Variants in TEK observed in about 807,000 individuals in gnomAD.
TEK encodes the protein TEK receptor tyrosine kinase.
In TEK, 43 loss-of-function variants were observed where a neutral mutation model predicts 131.8. The observed-to-expected ratio is 0.33, with a 90% CI of 0.26 to 0.42. TEK has a LOEUF of 0.42. Among genes scored for constraint, TEK ranks in the 10% least tolerant of loss-of-function variants. TEK has a pLI of 1.00. For synonymous variants in TEK, 580 were observed against 491.6 expected (o/e 1.18, Z -2.38); for missense variants, 1,162 against 1,384.4 (o/e 0.84, Z 2.55).
chr9:27,123,624 TTTA>T (rs1158238520), intron 1 of TEK, among the ~76,000 whole-genome samples: 3 of 152,220 alleles, frequency 2.0e-5, no homozygotes, highest in Non-Finnish European at 4.4e-5. Flanking sequence ...CATAATCTTT[TTTA>T]TTGTTTTTGA....
intron 11 of TEK, among the ~76,000 whole-genome samples, chr9:27,193,455 C>T (rs1824895089): frequency 6.6e-6 from 1 of 152,142 alleles, no homozygotes; most frequent in Non-Finnish European, 1.5e-5. Flanking sequence ...TACTTCTGGA[C>T]TTCTCAGTGG....
chr9:27,201,932 T>C (rs551874843), intron 12 of TEK, among the ~76,000 whole-genome samples: 1 of 152,178 alleles, frequency 6.6e-6, no homozygotes, highest in Admixed American at 6.6e-5. Flanking sequence ...GTCAAGAGAG[T>C]GTCTGCATGT....
At chr9:27,214,115 C>G (rs1291425929) in intron 18 of TEK, among the ~76,000 whole-genome samples, 1 of 152,196 alleles carries the variant, frequency 6.6e-6, no homozygotes, top group Non-Finnish European at 1.5e-5. Context: ...AAAATCCACT[C>G]TCCCAAACAG....
chr9:27,182,979 C>T (rs1824446719), intron 7 of TEK, among the ~76,000 whole-genome samples: 1 of 152,208 alleles, frequency 6.6e-6, no homozygotes, highest in African/African-American at 2.4e-5. Flanking sequence ...ATGAATGAGA[C>T]ATCTCTCGTA....
chr9:27,114,556 G>C (rs747302099), intron 1 of TEK, among the ~76,000 whole-genome samples: 2 of 151,636 alleles, frequency 1.3e-5, no homozygotes, highest in Non-Finnish European at 2.9e-5. Context: ...GCATGACAGA[G>C]TGAGACTCCG....
chr9:27,123,395 A>G (rs137858036), intron 1 of TEK, among the ~76,000 whole-genome samples: 17 of 152,294 alleles, frequency 1.1e-4, no homozygotes, highest in Non-Finnish European at 2.4e-4. Context: ...CTCTGCCATC[A>G]CAGGTACTCT....
At position 27,164,807 on chromosome 9, in the gene TEK, A is replaced by G. The variant is rs72614298; in HGVS notation, c.365-3688A>G. Among the ~76,000 whole-genome samples the G allele has an allele frequency of 4.5e-4, 69 of 152,262 alleles. No individual in the cohort carries two copies. In the East Asian group the frequency reaches 0.012, roughly 27 times the overall value. ...CACCTTGGCCTCCCAAAATTTTGGG[A>G]TTAGAAGCATGAGCCACCGCCCCCA... On this transcript the variant is annotated intron_variant, in intron 2 of 22. Transcript: ENST00000380036.
In TEK at chr9:27,229,533, G is replaced by A. The variant is rs1211986728; in HGVS notation, c.*301G>A. 2.4e-6 allele frequency: 1 copy of A among 419,426 alleles called. No individual in the cohort carries two copies. Among genetic ancestry groups the A allele is most frequent in the Non-Finnish European group, 4.4e-6 (1 of 226,678 alleles). 26.0% of individuals were successfully genotyped at this position (419,426 alleles called of 1,614,324 possible). ...TCATAGGAAGGCGTGAGTACAATTAGTATAATGCATAACTCATTGTTGTCC... is the reference window on the plus strand; with the variant it reads ...TCATAGGAAGGCGTGAGTACAATTAATATAATGCATAACTCATTGTTGTCC... On this transcript the variant is annotated 3_prime_UTR_variant, in exon 23 of 23. Transcript: ENST00000380036.
intron 6 of TEK, among the ~76,000 whole-genome samples, chr9:27,174,139 C>T (rs1824076779): frequency 6.6e-6 from 1 of 152,150 alleles, no homozygotes. Context: ...TTTCAGTATG[C>T]ATTTCACATC....
intron 22 of TEK, among the ~76,000 whole-genome samples, chr9:27,228,778 C>T (rs1041981453): frequency 1.3e-5 from 2 of 152,072 alleles, no homozygotes; most frequent in African/African-American, 2.4e-5. Flanking sequence ...AAATAGTCAT[C>T]AAAACCCAAG....
chr9:27,113,985 C>T (rs990975006), intron 1 of TEK, among the ~76,000 whole-genome samples: 3 of 152,202 alleles, frequency 2.0e-5, no homozygotes, highest in Non-Finnish European at 1.5e-5. Flanking sequence ...CACAATTCAA[C>T]TCAATTTGCC....
At chr9:27,207,001 G>A (rs1825422293) in intron 15 of TEK, among the ~76,000 whole-genome samples, 1 of 152,204 alleles carries the variant, frequency 6.6e-6, no homozygotes, top group African/African-American at 2.4e-5. Flanking sequence ...AAACATCACT[G>A]TCTTGATTCA....
chr9:27,171,692 G>T (rs917773878), intron 4 of TEK, among the ~76,000 whole-genome samples: 1 of 152,212 alleles, frequency 6.6e-6, no homozygotes, highest in Admixed American at 6.5e-5. Context: ...TCTATTAAAT[G>T]TCAGAGCAGC....
intron 6 of TEK, among the ~76,000 whole-genome samples, chr9:27,178,053 G>C (rs924719088): frequency 1.3e-5 from 2 of 152,126 alleles, no homozygotes; most frequent in African/African-American, 4.8e-5. Context: ...TCAGTATCAA[G>C]AAGCTTTTCC....
At chr9:27,208,798 G>C (rs1825494987) in intron 15 of TEK, among the ~76,000 whole-genome samples, 1 of 152,180 alleles carries the variant, frequency 6.6e-6, no homozygotes, top group Admixed American at 6.5e-5. Flanking sequence ...TTAGAGTAGT[G>C]GTTCTCATCC....
Position 27,172,638 on chromosome 9 carries a change from A to G in TEK, c.651A>G (p.Gly217=). The G allele has an allele frequency of 6.2e-7, 1 of 1,613,642 alleles. No homozygotes were observed. The highest frequency in any genetic ancestry group is 1.7e-4 in the Middle Eastern group (1 of 6,060). Reference sequence around the variant, plus strand: ...AAGGATGTGAAGCCCAGAAGTGGGGACCTGAATGCAACCATCTCTGTACTG... The same window carrying G: ...AAGGATGTGAAGCCCAGAAGTGGGGGCCTGAATGCAACCATCTCTGTACTG... ...IVRRCEAQKW[G]PECNHLCTAC... The change falls in exon 5 of 23, where the codon GGA becomes GGG. Residue 217 remains glycine, a synonymous_variant. Coordinates refer to ENST00000380036, the MANE Select transcript of TEK (RefSeq NM_000459.5).
intron 16 of TEK, among the ~76,000 whole-genome samples, chr9:27,209,496 C>T (rs1163822912): frequency 6.6e-6 from 1 of 152,072 alleles, no homozygotes; most frequent in Non-Finnish European, 1.5e-5. Context: ...CCTACCTGCC[C>T]CATCCTTGGC....
At chr9:27,125,201 C>G (rs1821944233) in intron 1 of TEK, among the ~76,000 whole-genome samples, 2 of 152,242 alleles carry the variant, frequency 1.3e-5, no homozygotes, top group Admixed American at 1.3e-4. Context: ...TGCAGAAGCT[C>G]AGCCACATTC....
intron 6 of TEK, among the ~76,000 whole-genome samples, chr9:27,177,780 T>C (rs971841497): frequency 6.6e-6 from 1 of 152,120 alleles, no homozygotes. Context: ...AAAAGATGTC[T>C]ATTCAGGTCC....
Sources: allele counts gnomAD v4.1 joint callset (sites outside exome capture counted in the v4.1 genomes callset), GRCh38; gene constraint gnomAD v4.1.1; transcripts MANE v1.5; gene names NCBI Gene and HGNC (gene_info 2026-07-23, HGNC 2026-07-21).